FGD4: variants seen among roughly 807,000 people sequenced by gnomAD.
FGD4 encodes the protein FYVE, RhoGEF and PH domain containing 4, also known as FYVE, RhoGEF and PH domain-containing protein 4.
Under a neutral mutation model 102.0 loss-of-function variants are expected in FGD4, and 42 were observed. That is an observed-to-expected ratio of 0.41 (90% CI 0.32 to 0.53). The LOEUF is 0.53. Among genes scored for constraint, FGD4 ranks in the 20% least tolerant of loss-of-function variants. The probability of loss-of-function intolerance (pLI) is 0.21; values close to 1 mark genes in which losing one functional copy is unlikely to be tolerated. For missense variants in FGD4, 902 were observed against 1,078.2 expected (o/e 0.84, Z 2.29); for synonymous variants, 380 against 375.7 (o/e 1.01, Z -0.13).
Position 32,480,700 on chromosome 12 carries a change from C to T in FGD4, c.166+80741C>T, listed in dbSNP as rs1353567076. ...ATTTTTAGTAGAGACGGGGTTTCAC[C>T]ATGTTGGCCAGGATGCTCTTGCTCT... On this transcript the variant is annotated intron_variant, in intron 1 of 16. Transcript: ENST00000534526. Among the ~76,000 whole-genome samples, 6 of 151,754 alleles carry T rather than the reference C, an allele frequency of 4.0e-5. No individual in the cohort carries two copies. The East Asian group carries it at 5.9e-4, about 15-fold the overall frequency.
intron 1 of FGD4, among the ~76,000 whole-genome samples, chr12:32,418,285 T>C (rs1216609146): frequency 3.9e-5 from 6 of 152,140 alleles, no homozygotes; most frequent in Non-Finnish European, 8.8e-5. Flanking sequence ...GGCGAGGTCA[T>C]GTTTTCCTGG....
intron 4 of FGD4, among the ~76,000 whole-genome samples, chr12:32,596,431 G>C (rs992223996): frequency 2.0e-5 from 3 of 152,238 alleles, no homozygotes; most frequent in African/African-American, 4.8e-5. Flanking sequence ...TGTTTGGAGG[G>C]AATGGTGCCT....
chr12:32,591,324 G>A (rs896609370), intron 4 of FGD4, among the ~76,000 whole-genome samples: 1 of 152,198 alleles, frequency 6.6e-6, no homozygotes, highest in Non-Finnish European at 1.5e-5. Context: ...GATAGGAAAA[G>A]CTGCAAAACC....
At chr12:32,567,694 T>TG (rs1443006537) in intron 2 of FGD4, among the ~76,000 whole-genome samples, 1 of 151,454 alleles carries the variant, frequency 6.6e-6, no homozygotes, top group East Asian at 1.9e-4. Context: ...GGCTTTTTTT[T>TG]TTTTTTTTTG....
intron 1 of FGD4, among the ~76,000 whole-genome samples, chr12:32,502,499 G>T (rs1393858369): frequency 2.0e-5 from 3 of 152,116 alleles, no homozygotes; most frequent in Non-Finnish European, 4.4e-5. Context: ...TAATGCCTAT[G>T]CAATTACATG....
chr12:32,529,855 AAT>A (rs1488968586), intron 1 of FGD4, among the ~76,000 whole-genome samples: 6 of 147,750 alleles, frequency 4.1e-5, no homozygotes, highest in Non-Finnish European at 6.1e-5. Context: ...AAAAAAAAAA[AAT>A]TTAAAAAAAA....
At chr12:32,626,604 T>C (rs952299371) in intron 14 of FGD4, among the ~76,000 whole-genome samples, 1 of 151,986 alleles carries the variant, frequency 6.6e-6, no homozygotes, top group African/African-American at 2.4e-5. Flanking sequence ...TGGAGCATGA[T>C]GAGTAAGAGG....
chr12:32,552,645 G>A (rs190441607), intron 1 of FGD4, among the ~76,000 whole-genome samples: 14 of 152,084 alleles, frequency 9.2e-5, no homozygotes, highest in Admixed American at 5.9e-4. Flanking sequence ...TGGAACTCGG[G>A]CAGTAGTGAG....
chr12:32,578,071 A>C (rs147927639), intron 3 of FGD4, among the ~76,000 whole-genome samples: 9 of 152,282 alleles, frequency 5.9e-5, no homozygotes, highest in Non-Finnish European at 8.8e-5. Flanking sequence ...AGCTTCATAA[A>C]TTCAATCCTG....
chr12:32,626,446 G>GAA (rs34938382), intron 14 of FGD4, among the ~76,000 whole-genome samples: 30 of 101,836 alleles, frequency 2.9e-4, no homozygotes, highest in Admixed American at 4.2e-4. Context: ...CTCCATCTCA[G>GAA]AAAAAAAAAA....
intron 1 of FGD4, among the ~76,000 whole-genome samples, chr12:32,443,332 C>A (rs1224010584): frequency 1.3e-5 from 2 of 152,220 alleles, no homozygotes; most frequent in Admixed American, 1.3e-4. Context: ...GGCAACAGAA[C>A]AAGACCCCTG....
intron 1 of FGD4, among the ~76,000 whole-genome samples, chr12:32,460,551 A>G (rs189119609): frequency 2.8e-4 from 43 of 152,264 alleles, no homozygotes; most frequent in African/African-American, 1.0e-3. Flanking sequence ...ATTTTATAAT[A>G]TAATAGTAGA....
At position 32,644,444 on chromosome 12, in the gene FGD4, T is replaced by C. The variant is rs1467525420; in HGVS notation, c.*3911T>C. 8.0e-5 allele frequency: 12 copies of C among 150,346 alleles called. No homozygotes were observed. Among genetic ancestry groups the C allele is most frequent in the Non-Finnish European group, 1.5e-5 (1 of 66,994 alleles). The allele number at this position is 150,346 out of a possible 1,614,324, so 9.3% of individuals were successfully genotyped here. ...AAAACACTGTTGATTTGCAATTCTG[T>C]CTTTCCATAGAAATGAACTTTTTCT... On this transcript the variant is annotated 3_prime_UTR_variant, in exon 17 of 17. Transcript: ENST00000534526.
chr12:32,622,683 C>A (rs937356551), intron 11 of FGD4, among the ~76,000 whole-genome samples: 1 of 152,210 alleles, frequency 6.6e-6, no homozygotes, highest in African/African-American at 2.4e-5. Context: ...ACCTCCTCCT[C>A]CCAGGTTCAA....
intron 1 of FGD4, among the ~76,000 whole-genome samples, chr12:32,485,409 A>G (rs1943865258): frequency 6.6e-6 from 1 of 151,798 alleles, no homozygotes; most frequent in South Asian, 2.1e-4. Flanking sequence ...TGTCTGTCAA[A>G]AAGAATCCTC....
intron 4 of FGD4, among the ~76,000 whole-genome samples, chr12:32,598,009 C>T (rs773187029): frequency 1.3e-5 from 2 of 152,154 alleles, no homozygotes; most frequent in African/African-American, 4.8e-5. Flanking sequence ...TACAGATGTG[C>T]GTCACCACGC....
chr12:32,437,864 G>A (rs1461940823), intron 1 of FGD4, among the ~76,000 whole-genome samples: 1 of 152,050 alleles, frequency 6.6e-6, no homozygotes, highest in Non-Finnish European at 1.5e-5. Flanking sequence ...ATTGTTATTG[G>A]TCTCCTGTGT....
intron 1 of FGD4, among the ~76,000 whole-genome samples, chr12:32,500,012 A>G (rs1938070665): frequency 6.6e-6 from 1 of 152,240 alleles, no homozygotes; most frequent in Non-Finnish European, 1.5e-5. Flanking sequence ...TCTCCAAGAA[A>G]AAAACAAAAA....
intron 1 of FGD4, among the ~76,000 whole-genome samples, chr12:32,509,114 T>C (rs1565786634): frequency 2.6e-5 from 4 of 152,212 alleles, no homozygotes; most frequent in Non-Finnish European, 5.9e-5. Flanking sequence ...TTTATCCGCA[T>C]TGAAAAAATA....
Sources: gnomAD v4.1 joint callset for allele counts (sites outside exome capture counted in the v4.1 genomes callset) on GRCh38, gnomAD v4.1.1 for gene constraint, MANE v1.5 for transcripts, NCBI Gene and HGNC (gene_info 2026-07-23, HGNC 2026-07-21) for gene names.